The following HGF variants were observed in gnomAD, a reference collection of about 807,000 sequenced individuals.
HGF encodes fibroblast-derived tumor cytotoxic factor.
In HGF, 39 loss-of-function variants were observed where a neutral mutation model predicts 111.6. The observed-to-expected ratio is 0.35, with a 90% CI of 0.27 to 0.46. The LOEUF (loss-of-function observed/expected upper bound fraction) is 0.46, where lower values mean the gene tolerates loss of function less well. HGF is among the 20% of genes least tolerant of loss of function. The pLI is 1.00. For missense variants in HGF, 735 were observed against 910.5 expected, an observed-to-expected ratio of 0.81 and a Z score of 2.48; for synonymous variants, 285 against 294.8, an observed-to-expected ratio of 0.97 and a Z score of 0.34.
intron 4 of HGF, chr7:81,755,226 G>C (rs1181973470): frequency 2.6e-5 from 4 of 152,022 alleles, no homozygotes; most frequent in African/African-American, 9.7e-5. Context: ...TAAGCCACTA[G>C]TAAAATATTT....
intron 1 of HGF, 27 bp from the exon 2 acceptor site, chr7:81,762,899 A>C (rs1013100930): frequency 7.7e-7 from 1 of 1,305,940 alleles, no homozygotes; most frequent in African/African-American, 1.5e-5. Context: ...GTTTTAAAAA[A>C]ATAAACATTG....
chr7:81,746,054 T>C (rs1788235164), intron 5 of HGF, among the ~76,000 whole-genome samples: 1 of 152,236 alleles, frequency 6.6e-6, no homozygotes, highest in East Asian at 1.9e-4. Context: ...CATCTAACTT[T>C]AGCTGAAGTG....
chr7:81,726,539 CTTTGA>C (rs949334417), intron 8 of HGF, among the ~76,000 whole-genome samples: 5 of 152,044 alleles, frequency 3.3e-5, no homozygotes, highest in African/African-American at 1.2e-4. Context: ...TTCTGCATTT[CTTTGA>C]TTTATTTAAT....
chr7:81,739,617 C>A (rs913166066), intron 7 of HGF, among the ~76,000 whole-genome samples: 1 of 151,980 alleles, frequency 6.6e-6, no homozygotes, highest in Non-Finnish European at 1.5e-5. Context: ...TAGGAAAGAG[C>A]GGCAGTGTGG....
intron 4 of HGF, chr7:81,755,904 G>A: frequency 1.5e-6 from 1 of 657,668 alleles, no homozygotes; most frequent in Non-Finnish European, 2.7e-6. Flanking sequence ...ATTAGGCCAA[G>A]ATCATAGGTT....
chr7:81,729,439 A>G (rs1247785866), intron 8 of HGF, among the ~76,000 whole-genome samples, 166 bp downstream of exon 8: 3 of 152,216 alleles, frequency 2.0e-5, no homozygotes, highest in Non-Finnish European at 4.4e-5. Flanking sequence ...TCCCAGATTA[A>G]GAGAATCAAA....
chr7:81,756,892 T>C (rs1466395302), intron 4 of HGF: 1 of 449,528 alleles, frequency 2.2e-6, no homozygotes, highest in Non-Finnish European at 4.0e-6. Flanking sequence ...TGCCGTACTT[T>C]CTCAAAGACA....
intron 9 of HGF, 119 bp from the exon 10 acceptor site, chr7:81,720,966 C>A: frequency 1.4e-6 from 1 of 690,328 alleles, no homozygotes; most frequent in South Asian, 1.5e-5. Context: ...CTTGAAAGGG[C>A]TGGGTGCGGT....
At chr7:81,744,954 T>C (rs1226186287) in intron 6 of HGF, 46 bp downstream of exon 6, 10 of 1,598,104 alleles carry the variant, frequency 6.3e-6, no homozygotes, top group Middle Eastern at 1.7e-4. Context: ...GAGTGAATAA[T>C]AGTTTGTAAA....
intron 7 of HGF, among the ~76,000 whole-genome samples, chr7:81,735,021 T>A (rs1298106551): frequency 3.3e-5 from 5 of 152,038 alleles, no homozygotes; most frequent in Non-Finnish European, 7.4e-5. Context: ...GAAATAGAAT[T>A]TACTTTATGA....
intron 12 of HGF, among the ~76,000 whole-genome samples, chr7:81,710,653 A>G (rs1185099497): frequency 6.6e-6 from 1 of 152,206 alleles, no homozygotes; most frequent in Non-Finnish European, 1.5e-5. Flanking sequence ...ACCAAGCTTT[A>G]CTTGGATATT....
chr7:81,730,856 C>G (rs1787630358), intron 7 of HGF, among the ~76,000 whole-genome samples: 1 of 152,134 alleles, frequency 6.6e-6, no homozygotes, highest in Admixed American at 6.6e-5. Context: ...GGATGAAACT[C>G]AAGTTGGCAG....
chr7:81,720,967 T>C lies in HGF; in HGVS notation c.1169-120A>G, dbSNP rs375814883. 118 of 679,678 alleles carry C rather than the reference T, an allele frequency of 1.7e-4. 1 individual carries two copies. Among genetic ancestry groups the C allele is most frequent in the Middle Eastern group, 1.2e-3 (3 of 2,528 alleles). The allele number at this position is 679,678 out of a possible 1,614,324, so 42.1% of individuals were successfully genotyped here. On this transcript the variant is annotated intron_variant, in intron 9 of 17. Coordinates refer to ENST00000222390, the MANE Select transcript of HGF (RefSeq NM_000601.6). ...TAAAAATTAAAGTACTTGAAAGGGC[T>C]GGGTGCGGTGGCTCACGCCTGTAAT...
intron 1 of HGF, among the ~76,000 whole-genome samples, chr7:81,769,280 G>A (rs5745613): frequency 1.1e-4 from 16 of 152,244 alleles, no homozygotes; most frequent in African/African-American, 3.6e-4. Context: ...AAGTCTCCGT[G>A]CACTGCAGTT....
chr7:81,762,941 A>G, intron 1 of HGF, 69 bp from the exon 2 acceptor site: 1 of 928,080 alleles, frequency 1.1e-6, no homozygotes, highest in Non-Finnish European at 1.7e-6. Context: ...TATATAAAAA[A>G]AATCCTAAGG....
chr7:81,734,220 TGA>T (rs1313603070), intron 7 of HGF, among the ~76,000 whole-genome samples: 5 of 152,164 alleles, frequency 3.3e-5, no homozygotes, highest in Non-Finnish European at 5.9e-5. Context: ...GGAACTCTTC[TGA>T]GAGTTCCAAC....
intron 8 of HGF, among the ~76,000 whole-genome samples, chr7:81,727,287 C>T (rs1037872721): frequency 4.6e-5 from 7 of 151,958 alleles, no homozygotes; most frequent in African/African-American, 1.7e-4. Flanking sequence ...TGGTGATCTG[C>T]CCACCTTGGC....
intron 7 of HGF, among the ~76,000 whole-genome samples, chr7:81,741,938 CAAAAAAAAAAA>C (rs71520767): frequency 2.2e-5 from 1 of 46,352 alleles, no homozygotes; most frequent in Admixed American, 3.1e-4. Context: ...AACTCCATCT[CAAAAAAAAAAA>C]AAAAAAAAAA....
chr7:81,737,828 T>A (rs959633075), intron 7 of HGF, among the ~76,000 whole-genome samples: 4 of 152,176 alleles, frequency 2.6e-5, no homozygotes, highest in Admixed American at 2.6e-4. Context: ...TCCACACAGA[T>A]AATTTGGGCT....
Sources: allele counts gnomAD v4.1 joint callset (sites outside exome capture counted in the v4.1 genomes callset), GRCh38; gene constraint gnomAD v4.1.1; transcripts MANE v1.5; gene names NCBI Gene and HGNC (gene_info 2026-07-23, HGNC 2026-07-21).